Variants in PKD1 observed in about 807,000 individuals in gnomAD.
The protein encoded by PKD1 is polycystin 1, transient receptor potential channel interacting.
Under a neutral mutation model 361.7 loss-of-function variants are expected in PKD1, and 81 were observed. The observed-to-expected ratio is 0.22, with a 90% CI of 0.19 to 0.27. The LOEUF (loss-of-function observed/expected upper bound fraction) is 0.27, where lower values mean the gene tolerates loss of function less well. Ranked by LOEUF, PKD1 falls within the 10% of genes least tolerant of loss-of-function variation. The pLI is 1.00. For synonymous variants in PKD1, 3,615 were observed against 2,818.3 expected (o/e 1.28, Z -8.95); for missense variants, 6,399 against 6,118.3 (o/e 1.05, Z -1.53).
intron 37 of PKD1, chr16:2,093,315 G>C (rs1456539746): frequency 3.0e-6 from 2 of 675,128 alleles, no homozygotes; most frequent in African/African-American, 3.6e-5. Flanking sequence ...GTGCTTAGGG[G>C]CCTTCAGGGC....
chr16:2,097,977 C>T lies in PKD1; in HGVS notation c.10058G>A (p.Gly3353Glu). Residue 3353 changes from glycine (G) to glutamate (E), a missense_variant, in exon 31 of 46, where the codon GGG (glycine) becomes GAG (glutamate). Transcript: ENST00000262304. ...LFRMSRSKVA[G>E]SPSPTPAGQQ... ...CCCGGCAGGTGTGGGGCTCGGGCTC[C>T]CAGCCACCTGCAGGACGAGGGCAGT... is the stretch of plus-strand genomic sequence containing the variant. 6.3e-7 allele frequency: 1 copy of T among 1,575,324 alleles called. No individual in the cohort carries two copies. The highest frequency in any genetic ancestry group is 8.7e-7 in the Non-Finnish European group (1 of 1,150,976).
rs1443901594 is a variant in PKD1, at chr16:2,111,381, A to G, written c.3786T>C (p.His1262=). ...VLSGPEATVE[H]VYLRAQNCTV... ...TGCAGTTCTGTGCCCGCAGGTACAC[A>G]TGCTCCACTGTTGCCTCCGGGCCCG... The change falls in exon 15 of 46, where the codon CAT becomes CAC. Residue 1262 remains histidine (H), a synonymous_variant. Transcript: ENST00000262304. 3 of 1,611,212 alleles carry G rather than the reference A, an allele frequency of 1.9e-6. No individual in the cohort carries two copies. The highest frequency in any genetic ancestry group is 2.2e-5 in the East Asian group (1 of 44,868).
chr16:2,096,215 C>T (rs1382459535), intron 34 of PKD1, among the ~76,000 whole-genome samples: 2 of 152,278 alleles, frequency 1.3e-5, no homozygotes, highest in Non-Finnish European at 2.9e-5. Context: ...CAAACCCAGA[C>T]ACCGCAGCCC....
intron 1 of PKD1, among the ~76,000 whole-genome samples, chr16:2,125,867 T>C (rs1196125447): frequency 6.6e-6 from 1 of 152,188 alleles, no homozygotes; most frequent in African/African-American, 2.4e-5. Flanking sequence ...GGTGCTGCAC[T>C]GACCTTACGC....
intron 13 of PKD1, 112 bp downstream of exon 13, chr16:2,112,676 A>G: frequency 2.4e-6 from 3 of 1,243,716 alleles, no homozygotes; most frequent in South Asian, 2.5e-5. Flanking sequence ...CCCAACAGAC[A>G]GGGAAACCGA....
rs368272435 is a variant in PKD1 at position 2,114,175 on chromosome 16, G to T, written c.2848C>A (p.Leu950Ile). The T allele has an allele frequency of 3.5e-5, 56 of 1,605,332 alleles. No individual in the cohort carries two copies. In the African/African-American group the frequency reaches 5.9e-4, roughly 17 times the overall value. Reference sequence around the variant, plus strand: ...GGAGCCTCGGCCATACTCACCACTAGGACTCCCTGCAGTACACGGGCCTCG... The same window carrying T: ...GGAGCCTCGGCCATACTCACCACTATGACTCCCTGCAGTACACGGGCCTCG... ...SPEARVLQGVLVRYSPVVEAG... is the reference protein window; with the variant it reads ...SPEARVLQGVIVRYSPVVEAG... Residue 950 changes from leucine (L) to isoleucine (I), a missense_variant, in exon 11 of 46, where the codon CTA (leucine) becomes ATA (isoleucine). Coordinates refer to ENST00000262304, the MANE Select transcript of PKD1 (RefSeq NM_001009944.3).
chr16:2,110,479 T>C lies in PKD1; in HGVS notation c.4688A>G (p.Asn1563Ser). The C allele has an allele frequency of 6.2e-7, 1 of 1,612,462 alleles. No individual in the cohort carries two copies. Among genetic ancestry groups the C allele is most frequent in the Non-Finnish European group, 8.5e-7 (1 of 1,179,834 alleles). Residue 1563 changes from asparagine to serine, a missense_variant, in exon 15 of 46, where the codon AAT becomes AGT. By Grantham distance (46) the Asn-to-Ser change is conservative. Coordinates refer to ENST00000262304, the MANE Select transcript of PKD1 (RefSeq NM_001009944.3). ...CGACGTGCTGAAGCTCACGCTCCCA[T>C]TCAGGGGCACCACCGTGCGGCTTGC... is the stretch of plus-strand genomic sequence containing the variant. Reference protein sequence around the residue: ...VNASRTVVPLNGSVSFSTSLE... With the variant: ...VNASRTVVPLSGSVSFSTSLE...
chr16:2,107,706 G>C, intron 16 of PKD1, 177 bp downstream of exon 16: 2 of 672,732 alleles, frequency 3.0e-6, no homozygotes, highest in East Asian at 5.5e-5. Flanking sequence ...ACGTGGAACT[G>C]TGGCAGGTTT....
At chr16:2,119,610 C>A (rs1199240518) in intron 1 of PKD1, among the ~76,000 whole-genome samples, 3 of 152,208 alleles carry the variant, frequency 2.0e-5, no homozygotes, top group Non-Finnish European at 4.4e-5. Flanking sequence ...CCCATCTCAG[C>A]CCTATGCCGA....
chr16:2,112,817 C>T lies in PKD1; in HGVS notation c.3132G>A (p.Leu1044=). The T allele has an allele frequency of 3.1e-6, 5 of 1,599,914 alleles. No individual in the cohort carries two copies. The highest frequency in any genetic ancestry group is 4.2e-6 in the Non-Finnish European group (5 of 1,179,600). The part of the protein sequence containing the change: ...NATLALTAGV[L]VDSAVEVAFL... ...AGGCCACCTCCACGGCCGAGTCCAC[C>T]AGCACGCCCGCCGTCAGTGCTAGCG... The change falls in exon 13 of 46, where the codon CTG becomes CTA. Residue 1044 remains leucine (L), a synonymous_variant. Coordinates refer to ENST00000262304, the MANE Select transcript of PKD1 (RefSeq NM_001009944.3).
chr16:2,113,023 G>A lies in PKD1; in HGVS notation c.2986-60C>T, dbSNP rs563460997. 1.1e-4 allele frequency: 164 copies of A among 1,509,180 alleles called. No individual in the cohort carries two copies. The East Asian group carries it at 2.8e-3, about 26-fold the overall frequency. The allele number at this position is 1,509,180 out of a possible 1,614,324, so 93.5% of individuals were successfully genotyped here. ...GGTGAGAGGCCTGGCCCTGATTGGC[G>A]TCCCTCCCTCCACTCACCCACAGCC... is the stretch of plus-strand genomic sequence containing the variant. On this transcript the variant is annotated intron_variant, in intron 12 of 45. Transcript: ENST00000262304.
At position 2,090,384 on chromosome 16, in the gene PKD1, T is replaced by C. The variant is rs1596473427; in HGVS notation, c.12345A>G (p.Gly4115=). Residue 4115 remains glycine (G), a synonymous_variant, in exon 45 of 46, where the codon GGA becomes GGG. Coordinates refer to ENST00000262304, the MANE Select transcript of PKD1 (RefSeq NM_001009944.3). The stretch of plus-strand genomic sequence containing the variant: ...GCTCCCAGGCCGGCCGGTACAGCTC[T>C]CCACGCAAGGCGTGGTAGCGCCAGC... ...ILRWRYHALR[G]ELYRPAWEPQ... 1 of 1,612,610 alleles carries C rather than the reference T, an allele frequency of 6.2e-7. No homozygotes were observed. Among genetic ancestry groups the C allele is most frequent in the Non-Finnish European group, 8.5e-7 (1 of 1,179,908 alleles).
rs774658731 is a variant in PKD1, at chr16:2,099,655, A to G, written c.10039T>C (p.Ser3347Pro). 1 of 1,592,034 alleles carries G rather than the reference A, an allele frequency of 6.3e-7. No homozygotes were observed. The highest frequency in any genetic ancestry group is 1.7e-5 in the Admixed American group (1 of 59,520). ...CAGCCCCAGCCCACCTTGCTCCGGG[A>G]CATCCGGAAGAGAAAAAGGATGGCC... ...YLAILFLFRM[S>P]RSKVAGSPSP... Residue 3347 changes from serine to proline, a missense_variant, in exon 30 of 46, where the codon TCC becomes CCC. By Grantham distance (74) the Ser-to-Pro change is moderately conservative. Coordinates refer to ENST00000262304, the MANE Select transcript of PKD1 (RefSeq NM_001009944.3).
At position 2,111,247 on chromosome 16, in the gene PKD1, G is replaced by A. The variant is rs527659927; in HGVS notation, c.3920C>T (p.Thr1307Met). 3.0e-5 allele frequency: 49 copies of A among 1,610,610 alleles called. No homozygotes were observed. Among genetic ancestry groups the A allele is most frequent in the South Asian group, 7.7e-5 (7 of 91,012 alleles). Residue 1307 changes from threonine to methionine, a missense_variant, in exon 15 of 46, where the codon ACG becomes ATG. By Grantham distance (81) the Thr-to-Met change is moderately conservative (BLOSUM62 -1). Transcript: ENST00000262304. Reference protein sequence around the residue: ...LRVEPAACIPTQPDARLTAYV... With the variant: ...LRVEPAACIPMQPDARLTAYV... ...GGCCGTGAGCCGCGCGTCAGGCTGC[G>A]TGGGGATGCAGGCGGCGGGTTCAAC...
chr16:2,106,219 G>T lies in PKD1; in HGVS notation c.7575C>A (p.Phe2525Leu). 1 of 1,610,260 alleles carries T rather than the reference G, an allele frequency of 6.2e-7. No individual in the cohort carries two copies. Among genetic ancestry groups the T allele is most frequent in the Non-Finnish European group, 8.5e-7 (1 of 1,179,562 alleles). Residue 2525 changes from phenylalanine to leucine, a missense_variant, in exon 19 of 46, where the codon TTC becomes TTA. Coordinates refer to ENST00000262304, the MANE Select transcript of PKD1 (RefSeq NM_001009944.3). This position sits in a 1 kb window ranked among gnomAD's most constrained non-coding sequence, Gnocchi z 6.5. Reference sequence around the variant, plus strand: ...TGGAGAGGCTGCCCTTGTAGACACAGAACTCCTCGCAGTGGCCCTGGCGAC... The same window carrying T: ...TGGAGAGGCTGCCCTTGTAGACACATAACTCCTCGCAGTGGCCCTGGCGAC... ...RRCRQGHCEE[F>L]CVYKGSLSSY...
intron 1 of PKD1, among the ~76,000 whole-genome samples, chr16:2,126,800 G>A (rs2092805399): frequency 6.6e-6 from 1 of 152,234 alleles, no homozygotes; most frequent in Non-Finnish European, 1.5e-5. Context: ...CAGATCCCAG[G>A]CAGGGTCTCC....
At position 2,109,386 on chromosome 16, in the gene PKD1, G is replaced by A. The variant is rs181452687; in HGVS notation, c.5781C>T (p.Asn1927=). The A allele has an allele frequency of 6.9e-6, 11 of 1,597,650 alleles. No homozygotes were observed. In the African/African-American group the frequency reaches 9.3e-5, roughly 14 times the overall value. ...AACGGGGCCCGGGGAGCACCTCGGG[G>A]TTGGCCCCGCCGACCTGCAGGCGGA... is the stretch of plus-strand genomic sequence containing the variant. ...VTFRLQVGGA[N]PEVLPGPRFS... is the part of the protein sequence containing the mutation. The change falls in exon 15 of 46, where the codon AAC becomes AAT. Residue 1927 remains asparagine, a synonymous_variant. Transcript: ENST00000262304.
At chr16:2,105,174 G>T (rs2092294516) in intron 21 of PKD1, 148 bp downstream of exon 21, 2 of 797,862 alleles carry the variant, frequency 2.5e-6, no homozygotes, top group Non-Finnish European at 4.1e-6. Flanking sequence ...GGCTACTGAA[G>T]CAGGTCAGAG....
chr16:2,090,977 G>T lies in PKD1; in HGVS notation c.11910C>A (p.Arg3970=). The T allele has an allele frequency of 1.3e-6, 2 of 1,539,124 alleles. No individual in the cohort carries two copies. The highest frequency in any genetic ancestry group is 1.7e-6 in the Non-Finnish European group (2 of 1,148,506). ...GGTCGAAGCTAGTGAAGCGGCGCGG[G>T]CGGCCGCGCACGAAACGGGTCCACT... The part of the protein sequence containing the change: ...DRQWTRFVRG[R]PRRFTSFDQV... The change falls in exon 43 of 46, where the codon CGC becomes CGA. Residue 3970 remains arginine, a synonymous_variant. Coordinates refer to ENST00000262304, the MANE Select transcript of PKD1 (RefSeq NM_001009944.3).
Sources: allele counts gnomAD v4.1 joint callset (sites outside exome capture counted in the v4.1 genomes callset), GRCh38; gene constraint gnomAD v4.1.1; non-coding constraint Gnocchi (gnomAD v3.1); transcripts MANE v1.5; gene names NCBI Gene and HGNC (gene_info 2026-07-23, HGNC 2026-07-21).